CADM2: variants seen among roughly 807,000 people sequenced by gnomAD.
CADM2 encodes the protein cell adhesion molecule 2, also known as immunoglobulin superfamily member 4D.
A neutral mutation model predicts 49.8 loss-of-function variants in CADM2; 12 were observed. That is an observed-to-expected ratio of 0.24 (90% CI 0.15 to 0.39). CADM2 has a LOEUF of 0.39. Ranked by LOEUF, CADM2 falls within the 10% of genes least tolerant of loss-of-function variation. CADM2 has a pLI of 1.00. For synonymous variants in CADM2, 214 were observed against 175.4 expected (o/e 1.22, Z -1.74); for missense variants, 378 against 492.3 (o/e 0.77, Z 2.20).
chr3:85,604,245 A>G (rs1189993216), intron 1 of CADM2, among the ~76,000 whole-genome samples: 1 of 151,898 alleles, frequency 6.6e-6, no homozygotes, highest in African/African-American at 2.4e-5. Flanking sequence ...AAATGAAAAT[A>G]TTTACACTGG....
intron 1 of CADM2, among the ~76,000 whole-genome samples, chr3:85,283,457 C>G (rs1196698704): frequency 1.3e-5 from 2 of 151,712 alleles, no homozygotes; most frequent in Admixed American, 1.3e-4. Flanking sequence ...TACATGTGCA[C>G]TGAAAAATAG....
chr3:85,755,253 A>G (rs1051050282), intron 2 of CADM2, among the ~76,000 whole-genome samples: 1 of 152,180 alleles, frequency 6.6e-6, no homozygotes, highest in African/African-American at 2.4e-5. Context: ...CTCCCCCTCC[A>G]GGTTGGAAAA....
At chr3:85,995,530 C>G (rs138104457) in intron 8 of CADM2, among the ~76,000 whole-genome samples, 3 of 151,990 alleles carry the variant, frequency 2.0e-5, no homozygotes, top group East Asian at 1.9e-4. Flanking sequence ...AAAGAAGCAG[C>G]CTTCAAAGCC....
At chr3:85,377,900 AT>A (rs895948549) in intron 1 of CADM2, among the ~76,000 whole-genome samples, 1 of 152,028 alleles carries the variant, frequency 6.6e-6, no homozygotes, top group Non-Finnish European at 1.5e-5. Flanking sequence ...TGTCAGATTT[AT>A]TTGAGAATTT....
chr3:85,498,040 A>G (rs935415943), intron 1 of CADM2, among the ~76,000 whole-genome samples: 2 of 152,118 alleles, frequency 1.3e-5, no homozygotes, highest in Non-Finnish European at 2.9e-5. Context: ...ATGGACATAC[A>G]CACAGTGGCA....
intron 1 of CADM2, among the ~76,000 whole-genome samples, chr3:85,653,350 A>G (rs1002951982): frequency 2.0e-5 from 3 of 147,488 alleles, no homozygotes; most frequent in African/African-American, 7.6e-5. Flanking sequence ...ATCCTAGATA[A>G]AGGCAGCAAC....
At chr3:84,964,363 A>G (rs1386207442) in intron 1 of CADM2, among the ~76,000 whole-genome samples, 4 of 152,234 alleles carry the variant, frequency 2.6e-5, no homozygotes, top group Admixed American at 2.6e-4. Flanking sequence ...TCTGTGGTAT[A>G]TCAATGATTG....
At chr3:85,775,453 A>G (rs1461646157) in intron 2 of CADM2, among the ~76,000 whole-genome samples, 1 of 151,790 alleles carries the variant, frequency 6.6e-6, no homozygotes, top group Non-Finnish European at 1.5e-5. Flanking sequence ...GACATAGTTC[A>G]ACAAATTTGC....
intron 3 of CADM2, among the ~76,000 whole-genome samples, chr3:85,826,250 A>C (rs1212278213): frequency 6.6e-6 from 1 of 152,008 alleles, no homozygotes; most frequent in Non-Finnish European, 1.5e-5. Flanking sequence ...TAATCATGGC[A>C]TATGTGCAAT....
intron 8 of CADM2, among the ~76,000 whole-genome samples, chr3:86,047,502 T>C (rs958656847): frequency 1.3e-5 from 2 of 152,174 alleles, no homozygotes; most frequent in Admixed American, 6.5e-5. Context: ...ACTGATTTAG[T>C]CATGACCCTC....
chr3:85,150,109 T>C (rs1472977782), intron 1 of CADM2, among the ~76,000 whole-genome samples: 3 of 152,206 alleles, frequency 2.0e-5, no homozygotes, highest in East Asian at 1.9e-4. Flanking sequence ...ATCAACTACA[T>C]AGAGAAGCTG....
intron 1 of CADM2, among the ~76,000 whole-genome samples, chr3:84,972,023 C>G (rs947600543): frequency 1.3e-5 from 2 of 152,102 alleles, no homozygotes; most frequent in African/African-American, 4.8e-5. Flanking sequence ...AAGGGAGGAG[C>G]TATCAATGGA....
At chr3:85,230,189 T>C (rs1013963887) in intron 1 of CADM2, among the ~76,000 whole-genome samples, 1 of 150,654 alleles carries the variant, frequency 6.6e-6, no homozygotes, top group Non-Finnish European at 1.5e-5. Flanking sequence ...TTATGAAGAA[T>C]CTCAGCACAG....
chr3:85,347,754 G>A (rs935486660), intron 1 of CADM2, among the ~76,000 whole-genome samples: 1 of 150,656 alleles, frequency 6.6e-6, no homozygotes, highest in African/African-American at 2.4e-5. Context: ...TGATTCTCCT[G>A]CCTCAGCCTG....
chr3:85,789,651 T>C (rs900105951), intron 2 of CADM2, among the ~76,000 whole-genome samples: 1 of 152,326 alleles, frequency 6.6e-6, no homozygotes. Flanking sequence ...CATGTGTTCA[T>C]TGAATAAACT....
chr3:85,390,489 T>G (rs1047073439), intron 1 of CADM2, among the ~76,000 whole-genome samples: 1 of 152,076 alleles, frequency 6.6e-6, no homozygotes, highest in African/African-American at 2.4e-5. Context: ...AGTCTAACAC[T>G]CTTGCTATGT....
chr3:85,649,850 G>A (rs2064992932), intron 1 of CADM2, among the ~76,000 whole-genome samples: 1 of 152,100 alleles, frequency 6.6e-6, no homozygotes, highest in African/African-American at 2.4e-5. Flanking sequence ...ATGGCCAGAA[G>A]AGGTTGTATC....
intron 1 of CADM2, among the ~76,000 whole-genome samples, chr3:84,998,151 A>G (rs959172328): frequency 9.2e-5 from 14 of 152,180 alleles, no homozygotes; most frequent in Admixed American, 2.0e-4. Flanking sequence ...TTTGACATCT[A>G]CTTGAACTAT....
intron 1 of CADM2, among the ~76,000 whole-genome samples, chr3:85,181,845 T>A (rs991490258): frequency 7.3e-5 from 11 of 149,984 alleles, no homozygotes; most frequent in South Asian, 2.1e-4. Context: ...ATATACTTTT[T>A]AAAAAAACAT....
Sources: allele counts gnomAD v4.1 joint callset (sites outside exome capture counted in the v4.1 genomes callset), GRCh38; gene constraint gnomAD v4.1.1; transcripts MANE v1.5; gene names NCBI Gene and HGNC (gene_info 2026-07-23, HGNC 2026-07-21).